DSC1: variants seen among roughly 807,000 people sequenced by gnomAD.
DSC1 encodes the protein desmocollin 1.
DSC1 carries 79 observed loss-of-function variants against 98.8 expected under a neutral mutation model. The ratio of observed to expected loss-of-function variants is 0.80; its 90% CI spans 0.67 to 0.96. The LOEUF (loss-of-function observed/expected upper bound fraction) is 0.96, where lower values mean the gene tolerates loss of function less well. DSC1 is among the 50% of genes least tolerant of loss of function. The pLI is 0.00. For missense variants in DSC1, 1,115 were observed against 1,075.9 expected, an observed-to-expected ratio of 1.04 and a Z score of -0.51; for synonymous variants, 405 against 372.1, an observed-to-expected ratio of 1.09 and a Z score of -1.02.
At chr18:31,143,888 A>C (rs1988789047) in intron 7 of DSC1, 97 bp from the exon 8 acceptor site, 1 of 882,438 alleles carries the variant, frequency 1.1e-6, no homozygotes, top group African/African-American at 1.8e-5. Context: ...TTGTACAAAT[A>C]TTCTTTTTTA....
chr18:31,146,671 C>T (rs1988853430), intron 6 of DSC1, among the ~76,000 whole-genome samples: 1 of 152,138 alleles, frequency 6.6e-6, no homozygotes, highest in Admixed American at 6.5e-5. Flanking sequence ...AAACTGCTTT[C>T]CACAGGGGCT....
chr18:31,146,002 A>G (rs1468716076), intron 6 of DSC1, among the ~76,000 whole-genome samples: 1 of 152,214 alleles, frequency 6.6e-6, no homozygotes, highest in Non-Finnish European at 1.5e-5. Flanking sequence ...CATATTCTAC[A>G]TAGATGAGAA....
chr18:31,136,742 G>C (rs570282736), intron 11 of DSC1, among the ~76,000 whole-genome samples: 1 of 152,154 alleles, frequency 6.6e-6, no homozygotes, highest in Non-Finnish European at 1.5e-5. Flanking sequence ...ATGAATTTTT[G>C]TTGGGCCACA....
chr18:31,130,783 T>G (rs1988470987), intron 15 of DSC1, 72 bp from the exon 16 acceptor site: 1 of 1,611,780 alleles, frequency 6.2e-7, no homozygotes, highest in African/African-American at 1.3e-5. Flanking sequence ...AAATGATGTC[T>G]TTGATTTACC....
At chr18:31,146,815 T>C (rs1035712854) in intron 6 of DSC1, among the ~76,000 whole-genome samples, 1 of 152,228 alleles carries the variant, frequency 6.6e-6, no homozygotes. Context: ...CATCTTTTCA[T>C]GTAATAACAA....
At chr18:31,145,910 C>T (rs755938557) in intron 6 of DSC1, 133 bp from the exon 7 acceptor site, 69 of 977,656 alleles carry the variant, frequency 7.1e-5, no homozygotes, top group Non-Finnish European at 9.4e-5. Context: ...GTTAAGTTGA[C>T]GAATGTGAAA....
At chr18:31,139,644 A>T (rs1372427008) in intron 11 of DSC1, 104 bp downstream of exon 11, 2 of 1,194,032 alleles carry the variant, frequency 1.7e-6, no homozygotes, top group Non-Finnish European at 2.3e-6. Flanking sequence ...AAATGCAAAC[A>T]TTGCTTGAAT....
In DSC1 at chr18:31,132,675, A is replaced by G. The variant is rs1319413671; in HGVS notation, c.2131T>C (p.Cys711Arg). Residue 711 changes from cysteine to arginine, a missense_variant, in exon 14 of 16, where the codon TGT (cysteine) becomes CGT (arginine). Physicochemically the swap from Cys to Arg is radical, Grantham distance 180. Coordinates refer to ENST00000257198, the MANE Select transcript of DSC1 (RefSeq NM_024421.2). ...SVLLLCILFT[C>R]FCVTAKRTVK... The stretch of plus-strand genomic sequence containing the variant: ...GTTCTCTTAGCAGTGACACAGAAAC[A>G]TGTAAACAGAATACCTAAAAAGCAA... 8.7e-6 allele frequency: 14 copies of G among 1,612,638 alleles called. No individual in the cohort carries two copies. Among genetic ancestry groups the G allele is most frequent in the African/African-American group, 1.3e-5 (1 of 74,856 alleles).
Position 31,156,161 on chromosome 18 carries a change from G to T in DSC1, c.353C>A (p.Ser118Tyr). 6.3e-7 allele frequency: 1 copy of T among 1,597,956 alleles called. No homozygotes were observed. Among genetic ancestry groups the T allele is most frequent in the Non-Finnish European group, 8.5e-7 (1 of 1,176,022 alleles). ...GTCTTTGGTATGTCTCTTCTTAGGAGACTACATTTGACAAGAAACAAAGAA... is the reference window on the plus strand; with the variant it reads ...GTCTTTGGTATGTCTCTTCTTAGGATACTACATTTGACAAGAAACAAAGAA... ...KVVLSARENK[S>Y]PKKRHTKDTA... Residue 118 changes from serine to tyrosine, a missense_variant and splice_region_variant, in exon 4 of 16, where the codon TCT becomes TAT. By Grantham distance (144) the Ser-to-Tyr change is moderately radical. Coordinates refer to ENST00000257198, the MANE Select transcript of DSC1 (RefSeq NM_024421.2).
At chr18:31,148,329 T>C (rs1025978423) in intron 6 of DSC1, among the ~76,000 whole-genome samples, 169 bp downstream of exon 6, 1 of 152,144 alleles carries the variant, frequency 6.6e-6, no homozygotes, top group Non-Finnish European at 1.5e-5. Flanking sequence ...TTACCACCCT[T>C]AATAGCAATG....
At chr18:31,136,119 G>A (rs1988603866) in intron 11 of DSC1, among the ~76,000 whole-genome samples, 1 of 151,850 alleles carries the variant, frequency 6.6e-6, no homozygotes, top group Non-Finnish European at 1.5e-5. Flanking sequence ...AGAAATAAAA[G>A]AGAGATATAG....
chr18:31,144,545 T>TA, intron 7 of DSC1, among the ~76,000 whole-genome samples: 1 of 152,122 alleles, frequency 6.6e-6, no homozygotes, highest in East Asian at 1.9e-4. Context: ...TATGACATTC[T>TA]AAAAAAGGGC....
intron 5 of DSC1, among the ~76,000 whole-genome samples, 200 bp downstream of exon 5, chr18:31,154,574 C>T (rs544655539): frequency 3.2e-4 from 49 of 152,066 alleles, no homozygotes; most frequent in African/African-American, 1.1e-3. Flanking sequence ...TTTTCTTTAC[C>T]TCCCCCGCCA....
rs201568166 is a variant in DSC1, at chr18:31,130,597, G to T, written c.2602C>A (p.Arg868=). Reference sequence around the variant, plus strand: ...AACTCCAGTCCCTCTTCTTCCTGCCGATCGCTGCAGCAACCTACTGAGCCG... The same window carrying T: ...AACTCCAGTCCCTCTTCTTCCTGCCTATCGCTGCAGCAACCTACTGAGCCG... ...LAGSVGCCSD[R]QEEEGLEFLD... The change falls in exon 16 of 16, where the codon CGG becomes AGG. Residue 868 remains arginine (R), a synonymous_variant. Transcript: ENST00000257198. 5.0e-6 allele frequency: 8 copies of T among 1,613,946 alleles called. No individual in the cohort carries two copies. Among genetic ancestry groups the T allele is most frequent in the Non-Finnish European group, 6.8e-6 (8 of 1,180,038 alleles).
chr18:31,145,623 A>G lies in DSC1; in HGVS notation c.927T>C (p.Phe309=), dbSNP rs1232661076. 3.7e-6 allele frequency: 6 copies of G among 1,613,970 alleles called. No individual in the cohort carries two copies. The highest frequency in any genetic ancestry group is 3.4e-6 in the Non-Finnish European group (4 of 1,179,978). ...TAATCATCATTACTTCTCTATCCAG[A>G]AAAGGTGTAGTTGTGGTGATGACAC... ...DTGVITTTTP[F]LDREKCDTYQ... is the part of the protein sequence containing the mutation. Residue 309 remains phenylalanine (F), a synonymous_variant, in exon 7 of 16, where the codon TTT becomes TTC. Transcript: ENST00000257198.
At chr18:31,140,773 T>C (rs568147968) in intron 9 of DSC1, among the ~76,000 whole-genome samples, 29 of 152,314 alleles carry the variant, frequency 1.9e-4, no homozygotes, top group Admixed American at 7.2e-4. Context: ...GCACATTATA[T>C]TTCAGGCTGT....
intron 5 of DSC1, among the ~76,000 whole-genome samples, chr18:31,150,243 C>G (rs1349637886): frequency 8.1e-5 from 11 of 135,902 alleles, no homozygotes; most frequent in East Asian, 2.8e-4. Context: ...ATCATCACCA[C>G]CACTACCACC....
At chr18:31,145,549 C>A in intron 7 of DSC1, 62 bp downstream of exon 7, 4 of 1,579,114 alleles carry the variant, frequency 2.5e-6, no homozygotes, top group South Asian at 2.3e-5. Context: ...CAACTTCTCT[C>A]GGGAGTTCAT....
At chr18:31,147,229 C>A (rs1198483127) in intron 6 of DSC1, among the ~76,000 whole-genome samples, 3 of 151,952 alleles carry the variant, frequency 2.0e-5, no homozygotes, top group African/African-American at 7.3e-5. Flanking sequence ...TCGATATTTC[C>A]ATGCCATGAT....
Sources: allele counts gnomAD v4.1 joint callset (sites outside exome capture counted in the v4.1 genomes callset), GRCh38; gene constraint gnomAD v4.1.1; transcripts MANE v1.5; gene names NCBI Gene and HGNC (gene_info 2026-07-23, HGNC 2026-07-21).